Variants in LRRC20 observed in about 807,000 individuals in gnomAD.
LRRC20 encodes the protein leucine rich repeat containing 20, also known as leucine-rich repeat-containing protein 20.
Under a neutral mutation model 14.4 loss-of-function variants are expected in LRRC20, and 11 were observed. The ratio of observed to expected loss-of-function variants is 0.77; its 90% CI spans 0.48 to 1.27. The LOEUF (loss-of-function observed/expected upper bound fraction) is 1.27, where lower values mean the gene tolerates loss of function less well. Among genes scored for constraint, LRRC20 ranks in the 50% most tolerant of loss-of-function variants. The probability of loss-of-function intolerance (pLI) is 0.00; values close to 1 mark genes in which losing one functional copy is unlikely to be tolerated. For synonymous variants in LRRC20, 121 were observed against 107.3 expected, an observed-to-expected ratio of 1.13 and a Z score of -0.79; for missense variants, 219 against 251.2, an observed-to-expected ratio of 0.87 and a Z score of 0.87.
At chr10:70,351,186 G>A (rs79165180) in intron 2 of LRRC20, among the ~76,000 whole-genome samples, 15 of 148,508 alleles carry the variant, frequency 1.0e-4, no homozygotes, top group Non-Finnish European at 1.2e-4. Context: ...GTCTCAGAAA[G>A]AAAAAAAAAA....
intron 2 of LRRC20, among the ~76,000 whole-genome samples, chr10:70,359,587 C>G (rs938650884): frequency 1.2e-4 from 19 of 152,180 alleles, no homozygotes; most frequent in African/African-American, 4.6e-4. Flanking sequence ...CCCCACTGTC[C>G]AAAGCCTAGC....
chr10:70,365,573 T>C (rs1350061410), intron 2 of LRRC20, among the ~76,000 whole-genome samples: 1 of 152,166 alleles, frequency 6.6e-6, no homozygotes, highest in Non-Finnish European at 1.5e-5. Flanking sequence ...CACTTGTAGT[T>C]CCAGCTACTC....
chr10:70,368,384 C>G (rs560650103), intron 2 of LRRC20, among the ~76,000 whole-genome samples: 17 of 151,944 alleles, frequency 1.1e-4, no homozygotes, highest in Admixed American at 2.0e-4. Context: ...GTCTTGATCT[C>G]CTGACCTCGT....
intron 3 of LRRC20, among the ~76,000 whole-genome samples, chr10:70,337,619 A>G (rs1325286296): frequency 1.3e-5 from 2 of 152,022 alleles, no homozygotes; most frequent in Admixed American, 6.6e-5. Flanking sequence ...TCATCCCACA[A>G]GGCTCTCCCC....
At chr10:70,377,491 C>T (rs1053145905) in intron 1 of LRRC20, among the ~76,000 whole-genome samples, 1 of 152,136 alleles carries the variant, frequency 6.6e-6, no homozygotes, top group African/African-American at 2.4e-5. Flanking sequence ...ATAGGGTCAG[C>T]CCAGCTCCAT....
At chr10:70,310,248 G>C (rs1035101313) in intron 4 of LRRC20, among the ~76,000 whole-genome samples, 4 of 152,232 alleles carry the variant, frequency 2.6e-5, no homozygotes, top group African/African-American at 9.6e-5. Flanking sequence ...CCTGACAAGA[G>C]AGGGAGATAG....
chr10:70,332,874 G>C (rs1348727762), intron 3 of LRRC20, among the ~76,000 whole-genome samples: 1 of 152,208 alleles, frequency 6.6e-6, no homozygotes, highest in Non-Finnish European at 1.5e-5. Flanking sequence ...TAGAAGAGCA[G>C]ACTTATTTTT....
At chr10:70,372,661 T>G (rs185273450) in intron 2 of LRRC20, among the ~76,000 whole-genome samples, 6 of 151,918 alleles carry the variant, frequency 3.9e-5, no homozygotes, top group East Asian at 1.9e-4. Flanking sequence ...CCAGGATGGT[T>G]TCGATCTCCT....
At chr10:70,356,915 C>T (rs1843549765) in intron 2 of LRRC20, among the ~76,000 whole-genome samples, 1 of 152,104 alleles carries the variant, frequency 6.6e-6, no homozygotes, top group African/African-American at 2.4e-5. Flanking sequence ...ATGTTCACAG[C>T]AGCATTTTCA....
At chr10:70,308,617 T>C (rs1342069054) in intron 4 of LRRC20, among the ~76,000 whole-genome samples, 1 of 148,396 alleles carries the variant, frequency 6.7e-6, no homozygotes, top group Non-Finnish European at 1.5e-5. Flanking sequence ...GGTTGGGGGG[T>C]GTGGCAGGGA....
intron 2 of LRRC20, 114 bp from the exon 3 acceptor site, chr10:70,340,816 CACCT>C (rs1842888759): frequency 2.7e-6 from 3 of 1,107,336 alleles, no homozygotes; most frequent in Non-Finnish European, 3.9e-6. Flanking sequence ...CTTGCCCTCC[CACCT>C]GTCTCCCCAG....
intron 3 of LRRC20, among the ~76,000 whole-genome samples, chr10:70,327,672 A>G (rs545828613): frequency 1.3e-5 from 2 of 152,284 alleles, no homozygotes; most frequent in East Asian, 1.9e-4. Flanking sequence ...GGGGATTTAC[A>G]TGTAATCATC....
intron 3 of LRRC20, among the ~76,000 whole-genome samples, chr10:70,332,615 G>A (rs7911757): frequency 0.23 from 34,993 of 152,162 alleles, 4,325 homozygotes; most frequent in Non-Finnish European, 0.24. Flanking sequence ...CTGCACTCCA[G>A]CCTGGGTGAC....
At chr10:70,316,167 C>G (rs1303979913) in intron 4 of LRRC20, among the ~76,000 whole-genome samples, 1 of 152,166 alleles carries the variant, frequency 6.6e-6, no homozygotes, top group Non-Finnish European at 1.5e-5. Context: ...TAGTCTGGCT[C>G]TGTCACCCAG....
chr10:70,301,249 A>ACCCCCCCCCCCCCCC lies in LRRC20; in HGVS notation c.*104_*105insGGGGGGGGGGGGGGG. 1 of 1,450,912 alleles carries ACCCCCCCCCCCCCCC rather than the reference A, an allele frequency of 6.9e-7. No homozygotes were observed. The highest frequency in any genetic ancestry group is 9.0e-7 in the Non-Finnish European group (1 of 1,105,192). The allele number at this position is 1,450,912 out of a possible 1,614,324, so 89.9% of individuals were successfully genotyped here. Reference sequence around the variant, plus strand: ...CCACCCACCACGTGCTGCTCGGCCCACCCGCCCCCAGCCCCCAGGCTTGGC... The same window carrying ACCCCCCCCCCCCCCC: ...CCACCCACCACGTGCTGCTCGGCCCACCCCCCCCCCCCCCCCCCGCCCCCAGCCCCCAGGCTTGGC... On this transcript the variant is annotated 3_prime_UTR_variant, in exon 5 of 5. Transcript: ENST00000446961.
intron 4 of LRRC20, 64 bp from the exon 5 acceptor site, chr10:70,301,572 T>C: frequency 6.3e-7 from 1 of 1,574,840 alleles, no homozygotes. Context: ...AGAAGGACAA[T>C]GGGCCATGAG....
intron 2 of LRRC20, among the ~76,000 whole-genome samples, chr10:70,358,421 T>A (rs747223599): frequency 1.3e-5 from 2 of 152,162 alleles, no homozygotes; most frequent in Non-Finnish European, 2.9e-5. Context: ...TACAGCAACT[T>A]TCTCCTCCTC....
chr10:70,322,949 G>A (rs1331433225), intron 4 of LRRC20, among the ~76,000 whole-genome samples: 1 of 151,714 alleles, frequency 6.6e-6, no homozygotes, highest in Non-Finnish European at 1.5e-5. Context: ...GGCCCAAACT[G>A]CTAGGACTCA....
Position 70,300,848 on chromosome 10 carries a change from ATCCAGG to A in LRRC20, c.*500_*505del. On this transcript the variant is annotated 3_prime_UTR_variant, in exon 5 of 5. Transcript: ENST00000446961. ...AAGACTGGGCCCTGCAGAGGGCCGC[ATCCAGG>A]TCAGTTCTCAGGAAGCAATAAATAG... 1.0e-6 allele frequency: 1 copy of A among 986,280 alleles called. No individual in the cohort carries two copies. The highest frequency in any genetic ancestry group is 1.2e-6 in the Non-Finnish European group (1 of 830,584). 61.1% of individuals were successfully genotyped at this position (986,280 alleles called of 1,614,324 possible).
Sources: gnomAD v4.1 joint callset for allele counts (sites outside exome capture counted in the v4.1 genomes callset) on GRCh38, gnomAD v4.1.1 for gene constraint, MANE v1.5 for transcripts, NCBI Gene and HGNC (gene_info 2026-07-23, HGNC 2026-07-21) for gene names.